Variants in SLC22A24 observed in about 807,000 individuals in gnomAD.
SLC22A24 encodes the protein steroid transmembrane transporter SLC22A24.
A neutral mutation model predicts 49.8 loss-of-function variants in SLC22A24; 53 were observed. The observed-to-expected ratio is 1.06, with a 90% CI of 0.85 to 1.34. The LOEUF is 1.34. Among genes scored for constraint, SLC22A24 ranks in the 40% most tolerant of loss-of-function variants. The probability of loss-of-function intolerance (pLI) is 0.00; values close to 1 mark genes in which losing one functional copy is unlikely to be tolerated. For missense variants in SLC22A24, 786 were observed against 675.9 expected (o/e 1.16, Z -1.81); for synonymous variants, 302 against 256.4 (o/e 1.18, Z -1.70).
At chr11:63,138,072 G>A (rs148875714) in intron 1 of SLC22A24, among the ~76,000 whole-genome samples, 127 of 152,244 alleles carry the variant, frequency 8.3e-4, no homozygotes, top group Middle Eastern at 6.8e-3. Flanking sequence ...ATGGAGAGAG[G>A]GGTATCAACA....
Position 63,126,905 on chromosome 11 carries a change from A to G in SLC22A24, c.507-7570T>C, listed in dbSNP as rs141704584. ...GTATTCCTAGGTATTTTATTCTCTT[A>G]GTAGCAATTGTGAATGGGAGTTCAC... On this transcript the variant is annotated intron_variant, in intron 2 of 9. Transcript: ENST00000612278. Among the ~76,000 whole-genome samples, 1,489 of 152,152 alleles carry G rather than the reference A, an allele frequency of 9.8e-3. 30 individuals carry two copies. Among genetic ancestry groups the G allele is most frequent in the African/African-American group, 0.032 (1,345 of 41,514 alleles).
intron 4 of SLC22A24, among the ~76,000 whole-genome samples, chr11:63,111,140 C>T (rs1489699975): frequency 6.6e-6 from 1 of 151,956 alleles, no homozygotes; most frequent in Non-Finnish European, 1.5e-5. Flanking sequence ...TTTTTATATG[C>T]TGGATTACAT....
chr11:63,086,928 A>C (rs2086990062), intron 6 of SLC22A24, among the ~76,000 whole-genome samples: 1 of 152,162 alleles, frequency 6.6e-6, no homozygotes, highest in African/African-American at 2.4e-5. Flanking sequence ...GGCAATGCTA[A>C]CAGGGAACTT....
At chr11:63,089,055 A>T (rs2087003514) in intron 6 of SLC22A24, among the ~76,000 whole-genome samples, 1 of 152,190 alleles carries the variant, frequency 6.6e-6, no homozygotes, top group Non-Finnish European at 1.5e-5. Context: ...CAACATTCAA[A>T]TTCAGGAAAT....
chr11:63,083,478 A>C, intron 6 of SLC22A24, 21 bp from the exon 7 acceptor site: 1 of 1,522,232 alleles, frequency 6.6e-7, no homozygotes, highest in Non-Finnish European at 8.9e-7. Flanking sequence ...TAAAAAGGAC[A>C]AAGACATATT....
chr11:63,126,386 A>C (rs995415651), intron 2 of SLC22A24, among the ~76,000 whole-genome samples: 1 of 152,016 alleles, frequency 6.6e-6, no homozygotes, highest in African/African-American at 2.4e-5. Flanking sequence ...TGGCTAGCCT[A>C]TTTTCCCAAT....
chr11:63,139,656 A>C (rs1026458947), intron 1 of SLC22A24, among the ~76,000 whole-genome samples: 3 of 152,192 alleles, frequency 2.0e-5, no homozygotes. Flanking sequence ...GGAAATGCAC[A>C]GTTGGTAAAA....
intron 7 of SLC22A24, among the ~76,000 whole-genome samples, chr11:63,082,281 C>G (rs2086964580): frequency 6.6e-6 from 1 of 152,156 alleles, no homozygotes; most frequent in Non-Finnish European, 1.5e-5. Flanking sequence ...CATTATAAAA[C>G]CTAACTCCTA....
Position 63,096,102 on chromosome 11 carries a change from A to G in SLC22A24, c.959T>C (p.Val320Ala), listed in dbSNP as rs1473827334. 11 of 1,524,590 alleles carry G rather than the reference A, an allele frequency of 7.2e-6. No individual in the cohort carries two copies. Among genetic ancestry groups the G allele is most frequent in the Non-Finnish European group, 9.8e-6 (11 of 1,122,884 alleles). 94.4% of individuals were successfully genotyped at this position (1,524,590 alleles called of 1,614,324 possible). Reference protein sequence around the residue: ...NTEETLTTELVRSTMKKELDA... With the variant: ...NTEETLTTELARSTMKKELDA... ...CAACTCCTTCTTCATGGTGGATCTC[A>G]CAAGCTTCAGCAACAAAAATAACAA... is the stretch of plus-strand genomic sequence containing the variant. Residue 320 changes from valine to alanine, a missense_variant, in exon 6 of 10, where the codon GTG (valine) becomes GCG (alanine). By Grantham distance (64) the Val-to-Ala change is moderately conservative. Coordinates refer to ENST00000612278, the MANE Select transcript of SLC22A24 (RefSeq NM_001136506.2).
intron 5 of SLC22A24, 46 bp downstream of exon 5, chr11:63,104,129 C>T: frequency 6.5e-7 from 1 of 1,540,928 alleles, no homozygotes; most frequent in Non-Finnish European, 8.7e-7. Context: ...ATTGTGAGGT[C>T]ATGTTTTCAT....
At position 63,119,192 on chromosome 11, in the gene SLC22A24, G is replaced by A. The variant is rs1183413728; in HGVS notation, c.650C>T (p.Thr217Ile). 2 of 1,542,094 alleles carry A rather than the reference G, an allele frequency of 1.3e-6. No individual in the cohort carries two copies. Among genetic ancestry groups the A allele is most frequent in the Non-Finnish European group, 1.7e-6 (2 of 1,144,082 alleles). Residue 217 changes from threonine (T) to isoleucine (I), a missense_variant, in exon 3 of 10, where the codon ACT (threonine) becomes ATT (isoleucine). Transcript: ENST00000612278. The stretch of plus-strand genomic sequence containing the variant: ...AATTATTGACTTACTGAGAATAAAA[G>A]TGTTTCCCAAAATAGTCATGGTGGA... ...GFSTMTILGN[T>I]FILSLEWTLP...
At chr11:63,113,456 C>CA (rs1418605176) in intron 4 of SLC22A24, among the ~76,000 whole-genome samples, 1 of 151,700 alleles carries the variant, frequency 6.6e-6, no homozygotes, top group Non-Finnish European at 1.5e-5. Context: ...CCATTGGTGG[C>CA]AAAATCTCTC....
At chr11:63,100,583 A>T (rs986584511) in intron 5 of SLC22A24, among the ~76,000 whole-genome samples, 1 of 152,164 alleles carries the variant, frequency 6.6e-6, no homozygotes, top group African/African-American at 2.4e-5. Context: ...GGAACCACAA[A>T]TGACTTAGAA....
intron 4 of SLC22A24, among the ~76,000 whole-genome samples, chr11:63,106,699 A>T (rs943748740): frequency 1.7e-5 from 1 of 58,198 alleles, no homozygotes; most frequent in Admixed American, 2.3e-4. Context: ...GCATTTTTTC[A>T]TGTGTTTTTT....
At chr11:63,106,614 C>T (rs538878951) in intron 4 of SLC22A24, among the ~76,000 whole-genome samples, 12 of 152,154 alleles carry the variant, frequency 7.9e-5, no homozygotes, top group Admixed American at 1.3e-4. Context: ...TTTTAATGAT[C>T]GCCATTCTAA....
In SLC22A24 at chr11:63,143,473, CG is replaced by C. The variant is rs778323063; in HGVS notation, c.306del (p.Asn102LysfsTer31). The C allele has an allele frequency of 5.0e-6, 8 of 1,598,986 alleles. No individual in the cohort carries two copies. The South Asian group carries it at 9.0e-5, about 18-fold the overall frequency. On this transcript the variant is annotated frameshift_variant, in exon 1 of 10. Coordinates refer to ENST00000612278, the MANE Select transcript of SLC22A24 (RefSeq NM_001136506.2). LOFTEE classifies it high-confidence loss of function. ...GGCTCATTTGTGTTGGGGAAGGTCCCGTTCAGGTGAAGGAGCTGCCACTGGG... is the reference window on the plus strand; with the variant it reads ...GGCTCATTTGTGTTGGGGAAGGTCCCTTCAGGTGAAGGAGCTGCCACTGGG... ...IHPQWQLLHL[N>X]GTFPNTNEPD... is the part of the protein sequence containing the mutation.
At chr11:63,118,728 C>T in intron 4 of SLC22A24, 184 bp downstream of exon 4, 2 of 606,890 alleles carry the variant, frequency 3.3e-6, no homozygotes, top group Non-Finnish European at 5.9e-6. Flanking sequence ...ATGCAAAGTG[C>T]CAGCCTCCCC....
At chr11:63,130,883 C>T (rs1165791382) in intron 2 of SLC22A24, among the ~76,000 whole-genome samples, 1 of 151,626 alleles carries the variant, frequency 6.6e-6, no homozygotes, top group African/African-American at 2.4e-5. Context: ...GTGTTAAAGT[C>T]TCTCATTATT....
In SLC22A24 at chr11:63,079,962, C is replaced by T; in HGVS notation, c.1637G>A (p.Cys546Tyr). ...DSRNIKQEDT[C>Y]MKVTQF is the part of the protein sequence containing the mutation. The stretch of plus-strand genomic sequence containing the variant: ...CTCTTAAAACTGTGTTACTTTCATG[C>T]AAGTATCTTCCTGCTTTATGTTTCT... The change falls in exon 10 of 10, where the codon TGC (cysteine) becomes TAC (tyrosine). Residue 546 changes from cysteine (C) to tyrosine (Y), a missense_variant. By Grantham distance (194) the Cys-to-Tyr change is radical. Coordinates refer to ENST00000612278, the MANE Select transcript of SLC22A24 (RefSeq NM_001136506.2). 6.5e-7 allele frequency: 1 copy of T among 1,546,090 alleles called. No individual in the cohort carries two copies. Among genetic ancestry groups the T allele is most frequent in the Non-Finnish European group, 8.8e-7 (1 of 1,142,064 alleles).
Sources: allele counts gnomAD v4.1 joint callset (sites outside exome capture counted in the v4.1 genomes callset), GRCh38; gene constraint gnomAD v4.1.1; transcripts MANE v1.5; gene names NCBI Gene and HGNC (gene_info 2026-07-23, HGNC 2026-07-21).